Variants in SYT3 observed in about 807,000 individuals in gnomAD.
SYT3 encodes synaptotagmin 3.
SYT3 carries 25 observed loss-of-function variants against 50.6 expected under a neutral mutation model. That is an observed-to-expected ratio of 0.49 (90% CI 0.36 to 0.69). The LOEUF (loss-of-function observed/expected upper bound fraction) is 0.69, where lower values mean the gene tolerates loss of function less well. Ranked by LOEUF, SYT3 falls within the 30% of genes least tolerant of loss-of-function variation. SYT3 has a pLI of 0.00. For synonymous variants in SYT3, 323 were observed against 353.9 expected (o/e 0.91, Z 0.98); for missense variants, 589 against 793.6 (o/e 0.74, Z 3.10).
At chr19:50,652,534 C>T in the SYT3 span, among the ~76,000 whole-genome samples, 4 of 152,280 alleles carry the variant, frequency 2.6e-5, no homozygotes, top group South Asian at 2.1e-4. Context: ...AGAGTTACAG[C>T]ATTGGCCAAG....
At position 50,637,304 on chromosome 19, in the gene SYT3, G is replaced by A; in HGVS notation, c.108C>T (p.Phe36=). 1 of 1,613,582 alleles carries A rather than the reference G, an allele frequency of 6.2e-7. No individual in the cohort carries two copies. Among genetic ancestry groups the A allele is most frequent in the Non-Finnish European group, 8.5e-7 (1 of 1,179,940 alleles). ...GGGGATAGCCTCGGATTCGGTCATTGAACTCCTGGCACCTGTCGTTGGTGT... is the reference window on the plus strand; with the variant it reads ...GGGGATAGCCTCGGATTCGGTCATTAAACTCCTGGCACCTGTCGTTGGTGT... ...DADTNDRCQE[F]NDRIRGYPRG... Residue 36 remains phenylalanine (F), a synonymous_variant, in exon 3 of 11, where the codon TTC becomes TTT. Coordinates refer to ENST00000600079, the MANE Select transcript of SYT3 (RefSeq NM_001160329.2). This position sits in a 1 kb window ranked among gnomAD's most constrained non-coding sequence, Gnocchi z 4.9.
chr19:50,631,229 G>A (rs1192556277), intron 4 of SYT3, among the ~76,000 whole-genome samples: 2 of 148,606 alleles, frequency 1.3e-5, no homozygotes, highest in Non-Finnish European at 3.0e-5. Flanking sequence ...GTACAGTGGT[G>A]CAATCTTGGC....
chr19:50,640,580 C>T (rs1373808623), upstream of SYT3, among the ~76,000 whole-genome samples: 1 of 152,148 alleles, frequency 6.6e-6, no homozygotes, highest in Non-Finnish European at 1.5e-5. Flanking sequence ...ATTCCCATTT[C>T]ACAGAGGAGA....
chr19:50,649,641 T>A, the SYT3 span: 4 of 1,033,274 alleles, frequency 3.9e-6, no homozygotes, highest in African/African-American at 1.6e-5. Context: ...CTAGCATTCC[T>A]GGATTCACCA....
At chr19:50,656,191 C>T in the SYT3 span, 1 of 1,536,144 alleles carries the variant, frequency 6.5e-7, no homozygotes, top group Non-Finnish European at 8.7e-7. Flanking sequence ...TGAACCCTGA[C>T]CTCAGAGGTC....
chr19:50,627,956 A>G (rs1004932742), intron 6 of SYT3, among the ~76,000 whole-genome samples: 1 of 152,194 alleles, frequency 6.6e-6, no homozygotes, highest in African/African-American at 2.4e-5. Context: ...TGGGCACTTC[A>G]ATCTCAAAGG....
chr19:50,655,181 T>A, the SYT3 span, among the ~76,000 whole-genome samples: 2 of 152,212 alleles, frequency 1.3e-5, no homozygotes, highest in Non-Finnish European at 2.9e-5. Flanking sequence ...AGCCATGTGC[T>A]GGGTAAAACT....
In SYT3 at chr19:50,622,541, C is replaced by T. The variant is rs567530929; in HGVS notation, c.*4-60G>A. The T allele has an allele frequency of 1.7e-3, 1,122 of 669,936 alleles. 2 individuals are homozygous for T. The highest frequency in any genetic ancestry group is 2.7e-3 in the Non-Finnish European group (974 of 364,962). 41.5% of individuals were successfully genotyped at this position (669,936 alleles called of 1,614,324 possible). A position where few individuals can be genotyped will look rare whatever the true frequency, so the allele number is the denominator to read the frequency against. ...TGGCAGAGAACTGCACCACGACCTCCTGTAGCTCCATCACCACCCAGAGAT... is the reference window on the plus strand; with the variant it reads ...TGGCAGAGAACTGCACCACGACCTCTTGTAGCTCCATCACCACCCAGAGAT... On this transcript the variant is annotated intron_variant, in intron 10 of 10. Transcript: ENST00000600079.
chr19:50,656,607 T>C, the SYT3 span, among the ~76,000 whole-genome samples: 4 of 151,174 alleles, frequency 2.6e-5, no homozygotes, highest in Non-Finnish European at 1.5e-5. Context: ...ACAAAAGGAG[T>C]CCTACTAATC....
chr19:50,635,511 A>C (rs984842481), intron 3 of SYT3, among the ~76,000 whole-genome samples: 1 of 152,090 alleles, frequency 6.6e-6, no homozygotes, highest in South Asian at 2.1e-4. Flanking sequence ...TGCCCAGAGA[A>C]AGGTTTGGCC....
chr19:50,652,532 A>G, the SYT3 span, among the ~76,000 whole-genome samples: 1 of 152,214 alleles, frequency 6.6e-6, no homozygotes, highest in African/African-American at 2.4e-5. Context: ...GCAGAGTTAC[A>G]GCATTGGCCA....
chr19:50,656,191 C>A, the SYT3 span: 1 of 1,536,144 alleles, frequency 6.5e-7, no homozygotes, highest in Non-Finnish European at 8.7e-7. Context: ...TGAACCCTGA[C>A]CTCAGAGGTC....
At chr19:50,649,052 G>A in the SYT3 span, among the ~76,000 whole-genome samples, 1 of 150,184 alleles carries the variant, frequency 6.7e-6, no homozygotes, top group Non-Finnish European at 1.5e-5. Context: ...GCCCAGGAGA[G>A]AAGGAGGGAG....
chr19:50,644,097 A>G (rs1040078584), upstream of SYT3, among the ~76,000 whole-genome samples: 5 of 152,246 alleles, frequency 3.3e-5, no homozygotes, highest in African/African-American at 1.2e-4. Context: ...TTTTGTTCAT[A>G]GCTGTGTCCC....
At chr19:50,641,284 A>C (rs1013467780), upstream of SYT3, among the ~76,000 whole-genome samples, 9 of 139,554 alleles carry the variant, frequency 6.4e-5, no homozygotes, top group South Asian at 2.3e-4. Context: ...GGTTCACTCC[A>C]TTCTCCTGCC....
rs139241700 is a variant in SYT3, at chr19:50,632,493, G to T, written c.467C>A (p.Thr156Asn). 5 of 1,612,456 alleles carry T rather than the reference G, an allele frequency of 3.1e-6. No homozygotes were observed. In the African/African-American group the frequency reaches 5.3e-5, roughly 17 times the overall value. The change falls in exon 4 of 11, where the codon ACC (threonine) becomes AAC (asparagine). Residue 156 changes from threonine (T) to asparagine (N), a missense_variant. Physicochemically the swap from Thr to Asn is moderately conservative, Grantham distance 65. Coordinates refer to ENST00000600079, the MANE Select transcript of SYT3 (RefSeq NM_001160329.2). The surrounding 1 kb of genome is among the most constrained non-coding windows in gnomAD (Gnocchi z 4.7). The part of the protein sequence containing the change: ...LEPGSLGGSD[T>N]PEPSYLDMDS... Reference sequence around the variant, plus strand: ...CATGTCCAAGTAGGAGGGCTCAGGGGTGTCAGAACCCCCCAGGCTGCCTGG... The same window carrying T: ...CATGTCCAAGTAGGAGGGCTCAGGGTTGTCAGAACCCCCCAGGCTGCCTGG...
rs896997842 is a variant in SYT3 at position 50,632,693 on chromosome 19, C to G, written c.267G>C (p.Ser89=). ...CWVPWRDKGG[S]AVGGGPLRKD... ...TGCGCAGGGGGCCACCGCCCACTGC[C>G]GAGCCTCCCTTGTCCCGCCAGGGCA... The change falls in exon 4 of 11, where the codon TCG becomes TCC. Residue 89 remains serine (S), a synonymous_variant. Coordinates refer to ENST00000600079, the MANE Select transcript of SYT3 (RefSeq NM_001160329.2). This position sits in a 1 kb window ranked among gnomAD's most constrained non-coding sequence, Gnocchi z 4.7. 9.4e-6 allele frequency: 15 copies of G among 1,588,544 alleles called. No homozygotes were observed. The highest frequency in any genetic ancestry group is 1.3e-5 in the Non-Finnish European group (15 of 1,168,428).
chr19:50,634,934 T>G (rs1049201093), intron 3 of SYT3, among the ~76,000 whole-genome samples: 7 of 151,916 alleles, frequency 4.6e-5, no homozygotes, highest in African/African-American at 1.7e-4. Flanking sequence ...TCACCCAGGC[T>G]GGAGTGCAGT....
At position 50,625,756 on chromosome 19, in the gene SYT3, GCCCCTCCTCCCTCA is replaced by G; in HGVS notation, c.1402+127_1402+140del. 2.2e-6 allele frequency: 2 copies of G among 921,914 alleles called. No homozygotes were observed. Among genetic ancestry groups the G allele is most frequent in the Non-Finnish European group, 3.2e-6 (2 of 632,148 alleles). The allele number at this position is 921,914 out of a possible 1,614,324, so 57.1% of individuals were successfully genotyped here. A position where few individuals can be genotyped will look rare whatever the true frequency, so the allele number is the denominator to read the frequency against. On this transcript the variant is annotated intron_variant, in intron 7 of 10. Transcript: ENST00000600079. The surrounding 1 kb of genome is among the most constrained non-coding windows in gnomAD (Gnocchi z 7.5). ...TCCGACCCAGGAGTCCAGGCCCCTG[GCCCCTCCTCCCTCA>G]GACCCAGGAGTCCAGATCCCCAGCT...
Sources: allele counts gnomAD v4.1 joint callset (sites outside exome capture counted in the v4.1 genomes callset), GRCh38; gene constraint gnomAD v4.1.1; non-coding constraint Gnocchi (gnomAD v3.1); transcripts MANE v1.5; gene names NCBI Gene and HGNC (gene_info 2026-07-23, HGNC 2026-07-21).